Variants in PPP1R21 observed in about 807,000 individuals in gnomAD.
The protein encoded by PPP1R21 is protein phosphatase 1 regulatory subunit 21, also known as KLRAQ motif containing 1.
Under a neutral mutation model 112.8 loss-of-function variants are expected in PPP1R21, and 85 were observed. The ratio of observed to expected loss-of-function variants is 0.75; its 90% confidence interval spans 0.63 to 0.90. The LOEUF (loss-of-function observed/expected upper bound fraction) is 0.90, where lower values mean the gene tolerates loss of function less well. PPP1R21 is among the 40% of genes least tolerant of loss of function. PPP1R21 has a pLI of 0.00. For missense variants in PPP1R21, 1,199 were observed against 901.5 expected (o/e 1.33, Z -4.23); for synonymous variants, 381 against 322.3 (o/e 1.18, Z -1.95).
chr2:48,502,931 C>T (rs1219683395), intron 17 of PPP1R21, among the ~76,000 whole-genome samples: 10 of 151,992 alleles, frequency 6.6e-5, no homozygotes, highest in Non-Finnish European at 1.2e-4. Context: ...CCGCCCACCT[C>T]GGCCTCCCAA....
chr2:48,510,358 T>C (rs1572902254), intron 20 of PPP1R21, among the ~76,000 whole-genome samples: 1 of 152,242 alleles, frequency 6.6e-6, no homozygotes, highest in Admixed American at 6.5e-5. Flanking sequence ...ATAATACTTA[T>C]TTACCCAGAA....
At chr2:48,443,525 C>G (rs1415864966) in intron 1 of PPP1R21, among the ~76,000 whole-genome samples, 1 of 152,168 alleles carries the variant, frequency 6.6e-6, no homozygotes, top group African/African-American at 2.4e-5. Context: ...AATTGGGAAA[C>G]ACCTGTCGGG....
At position 48,491,194 on chromosome 2, in the gene PPP1R21, T is replaced by A. The variant is rs774246040; in HGVS notation, c.1599+24T>A. 5.6e-6 allele frequency: 9 copies of A among 1,602,724 alleles called. No homozygotes were observed. The Admixed American group carries it at 8.8e-5, about 16-fold the overall frequency. ...AGGTTTGTTAGCTGCTGTTAATATT[T>A]AAATCAGAGGAAACATCAGGAGTCA... On this transcript the variant is annotated intron_variant, in intron 15 of 21. Coordinates refer to ENST00000294952, the MANE Select transcript of PPP1R21 (RefSeq NM_001135629.3).
chr2:48,499,538 A>G (rs569028254), intron 17 of PPP1R21, among the ~76,000 whole-genome samples: 2 of 152,348 alleles, frequency 1.3e-5, no homozygotes, highest in African/African-American at 2.4e-5. Flanking sequence ...GCTGGGCAGC[A>G]TAGTGAGACC....
intron 12 of PPP1R21, chr2:48,479,544 CTG>C (rs770350156): frequency 2.3e-5 from 11 of 480,742 alleles, no homozygotes; most frequent in Middle Eastern, 3.2e-4. Context: ...AAGCAGAACT[CTG>C]TGATATTTGG....
chr2:48,503,091 A>G (rs931706400), intron 17 of PPP1R21, among the ~76,000 whole-genome samples: 17 of 152,216 alleles, frequency 1.1e-4, no homozygotes, highest in Non-Finnish European at 2.1e-4. Flanking sequence ...ATATTATAAA[A>G]AAAGATAGCA....
intron 17 of PPP1R21, among the ~76,000 whole-genome samples, chr2:48,503,950 C>G (rs1388332688): frequency 3.3e-5 from 1 of 30,246 alleles, no homozygotes; most frequent in African/African-American, 1.4e-4. Flanking sequence ...GAGACTATGT[C>G]TCAAAAAAAA....
At chr2:48,473,750 C>CT (rs978368435) in intron 11 of PPP1R21, among the ~76,000 whole-genome samples, 359 of 146,598 alleles carry the variant, frequency 2.4e-3, no homozygotes, top group African/African-American at 7.5e-3. Context: ...GTCTAAAAAC[C>CT]TTTTTTTTTT....
chr2:48,458,375 T>C (rs947623615), intron 4 of PPP1R21, 148 bp downstream of exon 4: 40 of 533,500 alleles, frequency 7.5e-5, no homozygotes, highest in East Asian at 1.3e-4. Context: ...CTGTCACTTA[T>C]TCATTTCTTA....
intron 11 of PPP1R21, 101 bp from the exon 12 acceptor site, chr2:48,474,582 A>G: frequency 9.4e-7 from 1 of 1,060,838 alleles, no homozygotes. Flanking sequence ...TTTCTGCAAT[A>G]TCTCTCTTTG....
intron 1 of PPP1R21, among the ~76,000 whole-genome samples, chr2:48,443,512 A>G (rs534024281): frequency 6.6e-6 from 1 of 152,240 alleles, no homozygotes; most frequent in African/African-American, 2.4e-5. Context: ...TAATCAGGGT[A>G]GAAATTGGGA....
intron 17 of PPP1R21, among the ~76,000 whole-genome samples, chr2:48,504,501 C>T (rs1044201294): frequency 2.6e-5 from 4 of 152,076 alleles, no homozygotes; most frequent in Non-Finnish European, 4.4e-5. Flanking sequence ...ATTAGCTGGG[C>T]GTGGTGGCGT....
At position 48,478,271 on chromosome 2, in the gene PPP1R21, A is replaced by G. The variant is rs146829565; in HGVS notation, c.1226-1653A>G. On this transcript the variant is annotated intron_variant, in intron 12 of 21. Transcript: ENST00000294952. ...GTTTGTGGTACTTCATTACAGCAGC[A>G]CTAGGAAATTAATACAGGGAGTATT... Among the ~76,000 whole-genome samples, 3 of 152,332 alleles carry G rather than the reference A, an allele frequency of 2.0e-5. No individual in the cohort carries two copies. In the East Asian group the frequency reaches 5.8e-4, roughly 29 times the overall value.
At chr2:48,458,310 T>G (rs1206111327) in intron 4 of PPP1R21, 83 bp downstream of exon 4, 1 of 832,308 alleles carries the variant, frequency 1.2e-6, no homozygotes, top group East Asian at 2.7e-5. Context: ...CATAGAGTGT[T>G]TTGTGTCTGC....
intron 1 of PPP1R21, among the ~76,000 whole-genome samples, chr2:48,449,330 A>T (rs184658920): frequency 7.2e-5 from 11 of 152,360 alleles, no homozygotes; most frequent in Admixed American, 7.2e-4. Flanking sequence ...AAGGTAGGGT[A>T]AATGAATTTA....
intron 1 of PPP1R21, among the ~76,000 whole-genome samples, chr2:48,447,847 G>T (rs987357733): frequency 1.3e-5 from 2 of 152,178 alleles, no homozygotes; most frequent in Non-Finnish European, 2.9e-5. Flanking sequence ...CTTCTTGGGA[G>T]GCTGAGGCAG....
At chr2:48,484,500 A>G (rs906278846) in intron 13 of PPP1R21, among the ~76,000 whole-genome samples, 1 of 146,870 alleles carries the variant, frequency 6.8e-6, no homozygotes, top group Non-Finnish European at 1.5e-5. Flanking sequence ...TCTTTGGACT[A>G]AATAAAGAAT....
intron 16 of PPP1R21, among the ~76,000 whole-genome samples, chr2:48,496,586 G>A (rs542814812): frequency 6.6e-6 from 1 of 151,998 alleles, no homozygotes; most frequent in Non-Finnish European, 1.5e-5. Context: ...TCCTGCCTCA[G>A]CCTCCAGAGT....
At chr2:48,498,763 T>G in intron 17 of PPP1R21, 28 bp downstream of exon 17, 1 of 1,607,252 alleles carries the variant, frequency 6.2e-7, no homozygotes, top group Non-Finnish European at 8.5e-7. Flanking sequence ...TGTCCTCAGT[T>G]TTCTTTTTTA....
Sources: allele counts gnomAD v4.1 joint callset (sites outside exome capture counted in the v4.1 genomes callset), GRCh38; gene constraint gnomAD v4.1.1; transcripts MANE v1.5; gene names NCBI Gene and HGNC (gene_info 2026-07-23, HGNC 2026-07-21).